Variants in OTUD7A observed in about 807,000 individuals in gnomAD.
OTUD7A encodes OTU domain-containing protein 7A.
OTUD7A carries 12 observed loss-of-function variants against 65.7 expected under a neutral mutation model. The observed-to-expected ratio is 0.18, with a 90% CI of 0.12 to 0.30. The LOEUF (loss-of-function observed/expected upper bound fraction) is 0.30. Ranked by LOEUF, OTUD7A falls within the 10% of genes least tolerant of loss-of-function variation. The pLI, the probability that OTUD7A is intolerant of heterozygous loss-of-function variation, is 1.00. For missense variants in OTUD7A, 1,148 were observed against 1,304.8 expected, an observed-to-expected ratio of 0.88 and a Z score of 1.85; for synonymous variants, 641 against 586.3, an observed-to-expected ratio of 1.09 and a Z score of -1.35.
At chr15:31,797,312 G>T (rs187964055) in intron 1 of OTUD7A, among the ~76,000 whole-genome samples, 4 of 152,334 alleles carry the variant, frequency 2.6e-5, no homozygotes, top group African/African-American at 9.6e-5. Flanking sequence ...TCACAAAACA[G>T]AACACAAACC....
intron 1 of OTUD7A, among the ~76,000 whole-genome samples, chr15:31,685,425 C>T (rs1324382247): frequency 6.6e-6 from 1 of 151,654 alleles, no homozygotes; most frequent in African/African-American, 2.4e-5. Flanking sequence ...GCGGGTGGAT[C>T]ATGACGTCAG....
chr15:31,719,921 C>T, intron 1 of OTUD7A, among the ~76,000 whole-genome samples: 1 of 152,140 alleles, frequency 6.6e-6, no homozygotes. Flanking sequence ...CAGGCCTCGA[C>T]CATCCTCCCC....
intron 3 of OTUD7A, among the ~76,000 whole-genome samples, chr15:31,599,630 A>G (rs902201988): frequency 7.2e-5 from 11 of 152,200 alleles, no homozygotes; most frequent in African/African-American, 2.7e-4. Flanking sequence ...AAAACTGGAC[A>G]GAGAATGAGT....
chr15:31,526,603 C>T (rs2042018231), intron 7 of OTUD7A, 142 bp from the exon 8 acceptor site: 1 of 594,602 alleles, frequency 1.7e-6, no homozygotes, highest in Non-Finnish European at 2.9e-6. Flanking sequence ...CCAACTGCAC[C>T]CTCTTGGCCA....
chr15:31,630,149 G>C (rs936775901), intron 3 of OTUD7A, among the ~76,000 whole-genome samples: 1 of 148,272 alleles, frequency 6.7e-6, no homozygotes, highest in African/African-American at 2.5e-5. Context: ...GAATGTGTTT[G>C]CTCTTGCTTT....
rs116383712 is a variant in OTUD7A at position 31,779,153 on chromosome 15, T to C, written c.-100+91354A>G. On this transcript the variant is annotated intron_variant, in intron 1 of 12. Coordinates refer to ENST00000307050, the MANE Select transcript of OTUD7A (RefSeq NM_001382637.1). Reference sequence around the variant, plus strand: ...CAGAATTCCCCTCCAGAGTTAAGACTGTCCATTCCTCACCCAGGTGCCCTA... The same window carrying C: ...CAGAATTCCCCTCCAGAGTTAAGACCGTCCATTCCTCACCCAGGTGCCCTA... 8.5e-3 allele frequency among the ~76,000 whole-genome samples: 1,297 copies of C among 152,326 alleles called. 18 individuals are homozygous for C. The highest frequency in any genetic ancestry group is 0.03 in the African/African-American group (1,237 of 41,562).
chr15:31,858,908 AG>A (rs1293535468), intron 1 of OTUD7A, among the ~76,000 whole-genome samples: 2 of 152,240 alleles, frequency 1.3e-5, no homozygotes, highest in African/African-American at 2.4e-5. Flanking sequence ...GGGCATCCCA[AG>A]TGTGCCAGTC....
At chr15:31,786,827 C>G (rs923475016) in intron 1 of OTUD7A, among the ~76,000 whole-genome samples, 5 of 152,074 alleles carry the variant, frequency 3.3e-5, no homozygotes, top group African/African-American at 1.2e-4. Context: ...GAGTTCTGAC[C>G]CAGGACCCCG....
At chr15:31,579,276 AATATCTT>A (rs1889299811) in intron 3 of OTUD7A, among the ~76,000 whole-genome samples, 1 of 152,216 alleles carries the variant, frequency 6.6e-6, no homozygotes, top group Admixed American at 6.5e-5. Flanking sequence ...TGTAATAAAA[AATATCTT>A]TTTCTTTAAG....
intron 3 of OTUD7A, among the ~76,000 whole-genome samples, chr15:31,599,662 G>A (rs1301554878): frequency 1.3e-5 from 2 of 152,166 alleles, no homozygotes; most frequent in African/African-American, 4.8e-5. Context: ...ACAGAGGTAG[G>A]CTTCAGAAAG....
intron 8 of OTUD7A, among the ~76,000 whole-genome samples, chr15:31,524,934 C>T (rs371109877): frequency 2.6e-4 from 39 of 152,286 alleles, no homozygotes; most frequent in African/African-American, 8.4e-4. Context: ...CAGACTGTGG[C>T]CTTAGGAGTC....
intron 1 of OTUD7A, among the ~76,000 whole-genome samples, chr15:31,827,860 G>T (rs374654685): frequency 6.8e-6 from 1 of 147,042 alleles, no homozygotes; most frequent in African/African-American, 2.5e-5. Context: ...TTGGAGGGGC[G>T]GGGGTTAGAG....
chr15:31,830,018 T>G (rs759243977), intron 1 of OTUD7A, among the ~76,000 whole-genome samples: 1 of 152,192 alleles, frequency 6.6e-6, no homozygotes, highest in Non-Finnish European at 1.5e-5. Flanking sequence ...TTAAGGGACT[T>G]TGGGGCATTC....
rs2041692493 is a variant in OTUD7A, at chr15:31,510,924, AACATATATGTATATCTATATGTAAC to A, written c.894-7131_894-7107del. ...GTAACATATATGTATATCTATATGTAACATATATGTATATCTATATGTAACATATATGTATATCTATATGTAACAT... is the reference window on the plus strand; with the variant it reads ...GTAACATATATGTATATCTATATGTAATATATGTATATCTATATGTAACAT... On this transcript the variant is annotated intron_variant, in intron 8 of 12. Transcript: ENST00000307050. Among the ~76,000 whole-genome samples the A allele has an allele frequency of 6.5e-5, 2 of 30,566 alleles. 1 individual carries two copies. The highest frequency in any genetic ancestry group is 1.0e-4 in the Non-Finnish European group (2 of 19,142). 20.1% of individuals were successfully genotyped at this position (30,566 alleles called of 152,430 possible).
chr15:31,781,328 C>T (rs932865738), intron 1 of OTUD7A, among the ~76,000 whole-genome samples: 22 of 152,132 alleles, frequency 1.4e-4, no homozygotes, highest in Non-Finnish European at 3.1e-4. Flanking sequence ...CATGTGAGCA[C>T]TCCAGTTAGC....
chr15:31,555,086 C>T (rs899193536), intron 5 of OTUD7A, among the ~76,000 whole-genome samples: 10 of 152,078 alleles, frequency 6.6e-5, no homozygotes, highest in African/African-American at 1.2e-4. Flanking sequence ...CTATGTGGCT[C>T]GGGAGGCCAG....
rs190369208 is a variant in OTUD7A at position 31,826,411 on chromosome 15, C to G, written c.-100+44096G>C. 4.6e-3 allele frequency among the ~76,000 whole-genome samples: 704 copies of G among 152,348 alleles called. 5 individuals carry two copies. The highest frequency in any genetic ancestry group is 0.023 in the South Asian group (109 of 4,828). ...CTGCGTTGGCCCCTTTCAACCATGGCTGGAGCAGCTGGGACACAGGGCACC... is the reference window on the plus strand; with the variant it reads ...CTGCGTTGGCCCCTTTCAACCATGGGTGGAGCAGCTGGGACACAGGGCACC... On this transcript the variant is annotated intron_variant, in intron 1 of 12. Coordinates refer to ENST00000307050, the MANE Select transcript of OTUD7A (RefSeq NM_001382637.1).
At chr15:31,541,984 T>C (rs1401716741) in intron 5 of OTUD7A, among the ~76,000 whole-genome samples, 2 of 152,180 alleles carry the variant, frequency 1.3e-5, no homozygotes, top group East Asian at 3.8e-4. Context: ...TAAATTGATT[T>C]GTGGCTTGGA....
At chr15:31,553,501 C>T (rs1432133014) in intron 5 of OTUD7A, among the ~76,000 whole-genome samples, 4 of 152,142 alleles carry the variant, frequency 2.6e-5, no homozygotes, top group African/African-American at 9.7e-5. Flanking sequence ...ACTCCAGACC[C>T]TCATGTTCAT....
Sources: allele counts gnomAD v4.1 joint callset (sites outside exome capture counted in the v4.1 genomes callset), GRCh38; gene constraint gnomAD v4.1.1; transcripts MANE v1.5; gene names NCBI Gene and HGNC (gene_info 2026-07-23, HGNC 2026-07-21).